The following SIAH1 variants were observed in gnomAD, a reference collection of about 807,000 sequenced individuals.
SIAH1 encodes E3 ubiquitin-protein ligase SIAH1.
A neutral mutation model predicts 20.0 loss-of-function variants in SIAH1; 2 were observed. The observed-to-expected ratio is 0.10, with a 90% CI of 0.04 to 0.31. SIAH1 has a LOEUF of 0.31. Ranked by LOEUF, SIAH1 falls within the 10% of genes least tolerant of loss-of-function variation. The pLI, the probability that SIAH1 is intolerant of heterozygous loss-of-function variation, is 1.00. For missense variants in SIAH1, 119 were observed against 355.3 expected, an observed-to-expected ratio of 0.33 and a Z score of 5.35; for synonymous variants, 118 against 125.3, an observed-to-expected ratio of 0.94 and a Z score of 0.39.
chr16:48,382,232 A>T (rs913675869), intron 1 of SIAH1, among the ~76,000 whole-genome samples: 3 of 152,100 alleles, frequency 2.0e-5, no homozygotes, highest in Admixed American at 1.3e-4. Context: ...ATAACTTTTT[A>T]AAAAATTAGC....
intron 1 of SIAH1, among the ~76,000 whole-genome samples, chr16:48,364,111 G>A (rs761033320): frequency 6.6e-6 from 1 of 151,638 alleles, no homozygotes; most frequent in Non-Finnish European, 1.5e-5. Flanking sequence ...CACCATGCCC[G>A]ACTAATTTTT....
At chr16:48,379,710 C>T (rs989599146) in intron 1 of SIAH1, among the ~76,000 whole-genome samples, 1 of 152,184 alleles carries the variant, frequency 6.6e-6, no homozygotes, top group African/African-American at 2.4e-5. Context: ...GGATATGTTA[C>T]AGTGGGACCG....
intron 1 of SIAH1, among the ~76,000 whole-genome samples, chr16:48,383,323 T>A (rs906267042): frequency 1.3e-5 from 2 of 152,206 alleles, no homozygotes; most frequent in Non-Finnish European, 2.9e-5. Flanking sequence ...TTTATTTAAA[T>A]TTTCAGAATG....
chr16:48,386,664 T>C (rs1961474662), upstream of SIAH1, among the ~76,000 whole-genome samples: 1 of 152,210 alleles, frequency 6.6e-6, no homozygotes, highest in Non-Finnish European at 1.5e-5. Context: ...GGGGAGAAGT[T>C]ATAGCTCCTC....
intron 1 of SIAH1, among the ~76,000 whole-genome samples, chr16:48,381,608 G>C (rs1961294270): frequency 6.6e-6 from 1 of 152,186 alleles, no homozygotes; most frequent in South Asian, 2.1e-4. Flanking sequence ...TAAAGACGTG[G>C]AGGAAACCTA....
intron 1 of SIAH1, among the ~76,000 whole-genome samples, chr16:48,372,084 A>T (rs1200946550): frequency 1.3e-5 from 2 of 152,178 alleles, no homozygotes; most frequent in Non-Finnish European, 2.9e-5. Flanking sequence ...ATACTAAACT[A>T]AGCATAAAAG....
In SIAH1 at chr16:48,362,774, C is replaced by G. The variant is rs1567367401; in HGVS notation, c.-2-344G>C. 8 of 223,924 alleles carry G rather than the reference C, an allele frequency of 3.6e-5. No homozygotes were observed. In the East Asian group the frequency reaches 1.2e-3, roughly 32 times the overall value. 13.9% of individuals were successfully genotyped at this position (223,924 alleles called of 1,614,324 possible). A position where few individuals can be genotyped will look rare whatever the true frequency, so the allele number is the denominator to read the frequency against. On this transcript the variant is annotated intron_variant, in intron 1 of 1. Coordinates refer to ENST00000394725, the MANE Select transcript of SIAH1 (RefSeq NM_003031.4). This position sits in a 1 kb window ranked among gnomAD's most constrained non-coding sequence, Gnocchi z 4.2. ...ACTATACAAGGAACTGAAGTTTAATCGAATCCGTTTTGCTAGGACTCTCCC... is the reference window on the plus strand; with the variant it reads ...ACTATACAAGGAACTGAAGTTTAATGGAATCCGTTTTGCTAGGACTCTCCC...
intron 1 of SIAH1, among the ~76,000 whole-genome samples, chr16:48,383,673 A>G (rs1961356857): frequency 6.6e-6 from 1 of 152,200 alleles, no homozygotes; most frequent in Non-Finnish European, 1.5e-5. Context: ...ACAAAGATAT[A>G]GCCATTCAAA....
At chr16:48,380,529 TTAAC>T (rs993881698) in intron 1 of SIAH1, among the ~76,000 whole-genome samples, 5 of 151,308 alleles carry the variant, frequency 3.3e-5, no homozygotes, top group Non-Finnish European at 2.9e-5. Context: ...CAAAAAGACC[TTAAC>T]TAACTCCCCA....
intron 1 of SIAH1, among the ~76,000 whole-genome samples, chr16:48,371,236 G>C (rs1960980479): frequency 6.6e-6 from 1 of 151,718 alleles, no homozygotes; most frequent in Admixed American, 6.6e-5. Flanking sequence ...GATTGTGTCT[G>C]TGAATAGCTA....
chr16:48,380,943 A>AAAAAAAAAAAAAAAAAC (rs1411656699), intron 1 of SIAH1, among the ~76,000 whole-genome samples: 1 of 148,092 alleles, frequency 6.8e-6, no homozygotes. Flanking sequence ...AAAAAAAAAA[A>AAAAAAAAAAAAAAAAAC]AAGAACGGCT....
Position 48,360,672 on chromosome 16 carries a change from A to C in SIAH1, c.*908T>G, listed in dbSNP as rs528824431. ...GATGCCTTCTTCTGCAAAACCAATA[A>C]ATACAAGAACAAATTTTAAAATATG... On this transcript the variant is annotated 3_prime_UTR_variant, in exon 2 of 2. Coordinates refer to ENST00000394725, the MANE Select transcript of SIAH1 (RefSeq NM_003031.4). 6.5e-6 allele frequency: 1 copy of C among 152,768 alleles called. No individual in the cohort carries two copies. Among genetic ancestry groups the C allele is most frequent in the East Asian group, 1.9e-4 (1 of 5,186 alleles). 9.5% of individuals were successfully genotyped at this position (152,768 alleles called of 1,614,324 possible). A position where few individuals can be genotyped will look rare whatever the true frequency, so the allele number is the denominator to read the frequency against.
At chr16:48,372,899 A>T (rs1306692056) in intron 1 of SIAH1, among the ~76,000 whole-genome samples, 1 of 152,184 alleles carries the variant, frequency 6.6e-6, no homozygotes, top group African/African-American at 2.4e-5. Flanking sequence ...TTTTGTTTGT[A>T]TTTAAATTGC....
chr16:48,375,092 T>C (rs2151051908), intron 1 of SIAH1, among the ~76,000 whole-genome samples: 1 of 152,364 alleles, frequency 6.6e-6, no homozygotes, highest in Non-Finnish European at 1.5e-5. Context: ...GAGGTTGCAG[T>C]GAGCCAAGAT....
At chr16:48,367,993 G>A (rs1326473622) in intron 1 of SIAH1, among the ~76,000 whole-genome samples, 1 of 152,198 alleles carries the variant, frequency 6.6e-6, no homozygotes, top group Non-Finnish European at 1.5e-5. Flanking sequence ...TGTTGTCTTA[G>A]TAATTTCAGA....
chr16:48,372,893 G>T (rs1387240462), intron 1 of SIAH1, among the ~76,000 whole-genome samples: 1 of 152,138 alleles, frequency 6.6e-6, no homozygotes, highest in Non-Finnish European at 1.5e-5. Context: ...CTGTGGTTTT[G>T]TTTGTATTTA....
intron 1 of SIAH1, among the ~76,000 whole-genome samples, chr16:48,368,533 T>A (rs1472133694): frequency 6.6e-6 from 1 of 152,158 alleles, no homozygotes; most frequent in East Asian, 1.9e-4. Flanking sequence ...TTGTCTCTAC[T>A]AAGTAAATAC....
At chr16:48,381,506 G>A (rs1049670151) in intron 1 of SIAH1, among the ~76,000 whole-genome samples, 1 of 152,158 alleles carries the variant, frequency 6.6e-6, no homozygotes, top group Admixed American at 6.5e-5. Context: ...AGCCAACCAA[G>A]ACATCCTTCA....
chr16:48,376,368 C>T (rs1432525427), intron 1 of SIAH1, among the ~76,000 whole-genome samples: 1 of 152,160 alleles, frequency 6.6e-6, no homozygotes, highest in Non-Finnish European at 1.5e-5. Flanking sequence ...TGATTTTCTC[C>T]TTGCTTTCAC....
Sources: gnomAD v4.1 joint callset for allele counts (sites outside exome capture counted in the v4.1 genomes callset) on GRCh38, gnomAD v4.1.1 for gene constraint, Gnocchi (gnomAD v3.1) non-coding constraint, MANE v1.5 for transcripts, NCBI Gene and HGNC (gene_info 2026-07-23, HGNC 2026-07-21) for gene names.